The following SLC3A1 variants were observed in gnomAD, a reference collection of about 807,000 sequenced individuals.
SLC3A1 encodes amino acid transporter heavy chain SLC3A1.
A neutral mutation model predicts 60.3 loss-of-function variants in SLC3A1; 78 were observed. That is an observed-to-expected ratio of 1.29 (90% CI 1.08 to 1.56). SLC3A1 has a LOEUF of 1.56. Among genes scored for constraint, SLC3A1 ranks in the 40% most tolerant of loss-of-function variants. The probability of loss-of-function intolerance (pLI) is 0.00; values close to 1 mark genes in which losing one functional copy is unlikely to be tolerated. For synonymous variants in SLC3A1, 392 were observed against 307.9 expected (o/e 1.27, Z -2.86); for missense variants, 1,172 against 858.9 (o/e 1.36, Z -4.56).
chr2:44,278,328 T>G lies in SLC3A1; in HGVS notation c.430+2363T>G, dbSNP rs372123591. Among the ~76,000 whole-genome samples the G allele has an allele frequency of 2.4e-4, 37 of 152,074 alleles. No homozygotes were observed. In the East Asian group the frequency reaches 3.9e-3, roughly 16 times the overall value. On this transcript the variant is annotated intron_variant, in intron 1 of 9. Coordinates refer to ENST00000260649, the MANE Select transcript of SLC3A1 (RefSeq NM_000341.4). ...CTGGGCGTGGTGGCGGGTGCCTGTATTCCCAGCTATTTGGGTGGCTGAGGC... is the reference window on the plus strand; with the variant it reads ...CTGGGCGTGGTGGCGGGTGCCTGTAGTCCCAGCTATTTGGGTGGCTGAGGC...
At chr2:44,318,058 CA>C in intron 9 of SLC3A1, 1 of 426,710 alleles carries the variant, frequency 2.3e-6, no homozygotes, top group Admixed American at 2.7e-5. Context: ...GAAATATTTG[CA>C]CATGTGCACA....
At chr2:44,284,528 A>T (rs6716912) in intron 3 of SLC3A1, among the ~76,000 whole-genome samples, 1,988 of 152,240 alleles carry the variant, frequency 0.013, 19 homozygotes, top group Middle Eastern at 0.027. Context: ...ATTCTCATTA[A>T]TTCCTGATAT....
chr2:44,318,437 T>C (rs1142523), intron 9 of SLC3A1: 114,039 of 174,828 alleles, frequency 0.65, 37,924 homozygotes, highest in Middle Eastern at 0.69. Flanking sequence ...ATTTAAATAT[T>C]TTATCAACAG....
intron 4 of SLC3A1, 103 bp from the exon 5 acceptor site, chr2:44,299,868 T>C: frequency 8.9e-7 from 1 of 1,129,436 alleles, no homozygotes; most frequent in Non-Finnish European, 1.3e-6. Context: ...TGTATGTAGA[T>C]ATCTGTTTTA....
chr2:44,312,545 CTG>C (rs754147703), intron 7 of SLC3A1, 39 bp from the exon 8 acceptor site: 16 of 1,602,976 alleles, frequency 1.0e-5, no homozygotes, highest in African/African-American at 8.0e-5. Context: ...TTTCAGAAAA[CTG>C]TGTATACAGC....
chr2:44,282,152 G>A (rs1000155532), intron 3 of SLC3A1, among the ~76,000 whole-genome samples: 2 of 152,150 alleles, frequency 1.3e-5, no homozygotes, highest in Non-Finnish European at 2.9e-5. Context: ...GATTACAGGT[G>A]TAAGCCACCG....
intron 1 of SLC3A1, among the ~76,000 whole-genome samples, chr2:44,276,301 T>C (rs928518611): frequency 6.6e-6 from 1 of 152,204 alleles, no homozygotes; most frequent in African/African-American, 2.4e-5. Context: ...CTGGGGACTT[T>C]ATAGTTGAAT....
At chr2:44,303,975 T>G in intron 6 of SLC3A1, 168 bp from the exon 7 acceptor site, 1 of 695,304 alleles carries the variant, frequency 1.4e-6, no homozygotes, top group Non-Finnish European at 2.6e-6. Context: ...TAATCCAGTC[T>G]AACATTTGGT....
At chr2:44,289,271 C>T (rs967475716) in intron 4 of SLC3A1, among the ~76,000 whole-genome samples, 7 of 150,002 alleles carry the variant, frequency 4.7e-5, no homozygotes, top group African/African-American at 1.7e-4. Context: ...AGTGCAGTGG[C>T]GTGATCTCGG....
Position 44,321,302 on chromosome 2 carries a change from G to T in SLC3A1, c.*663G>T. 7.1e-7 allele frequency: 1 copy of T among 1,400,102 alleles called. No homozygotes were observed. Among genetic ancestry groups the T allele is most frequent in the Non-Finnish European group, 1.0e-6 (1 of 1,002,930 alleles). 86.7% of individuals were successfully genotyped at this position (1,400,102 alleles called of 1,614,324 possible). The stretch of plus-strand genomic sequence containing the variant: ...TTTTTTTTTGCTAACTCAATTGGAA[G>T]TAAGACTATGAAATATTTCAGTGTG... On this transcript the variant is annotated 3_prime_UTR_variant, in exon 10 of 10. Transcript: ENST00000260649.
At chr2:44,321,920 G>T, downstream of SLC3A1, 3 of 1,605,110 alleles carry the variant, frequency 1.9e-6, no homozygotes, top group South Asian at 3.3e-5. Context: ...TTAACATGTA[G>T]AACAATTAGA....
chr2:44,286,027 G>A lies in SLC3A1; in HGVS notation c.766-5G>A, dbSNP rs775846337. The A allele has an allele frequency of 1.9e-6, 3 of 1,614,096 alleles. No individual in the cohort carries two copies. The South Asian group carries it at 3.3e-5, about 18-fold the overall frequency. The stretch of plus-strand genomic sequence containing the variant: ...CACTGATGTGCTGTTTTCTTTGTTT[G>A]CCAGTTAAGTGTGTATGGAAACTCC... On this transcript the variant is annotated splice_polypyrimidine_tract_variant and splice_region_variant and intron_variant, in intron 3 of 9. Transcript: ENST00000260649.
At chr2:44,311,582 A>G (rs2104382392) in intron 7 of SLC3A1, among the ~76,000 whole-genome samples, 1 of 152,290 alleles carries the variant, frequency 6.6e-6, no homozygotes, top group East Asian at 1.9e-4. Flanking sequence ...GTTTCTTGTC[A>G]GAAGATCTCA....
At position 44,314,304 on chromosome 2, in the gene SLC3A1, G is replaced by A; in HGVS notation, c.1617+353G>A. 3 of 522,472 alleles carry A rather than the reference G, an allele frequency of 5.7e-6. No individual in the cohort carries two copies. The South Asian group carries it at 6.9e-5, about 12-fold the overall frequency. The allele number at this position is 522,472 out of a possible 1,614,324, so 32.4% of individuals were successfully genotyped here. ...TCAAAAGGCAGGGAGAGAGGCGAGT[G>A]GATAGGCAGCCATGCAGGCAGTAAG... On this transcript the variant is annotated intron_variant, in intron 9 of 9. Transcript: ENST00000260649.
In SLC3A1 at chr2:44,313,830, C is replaced by T. The variant is rs1672357292; in HGVS notation, c.1501-5C>T. 3 of 1,608,314 alleles carry T rather than the reference C, an allele frequency of 1.9e-6. No homozygotes were observed. The highest frequency in any genetic ancestry group is 2.6e-6 in the Non-Finnish European group (3 of 1,174,828). On this transcript the variant is annotated splice_polypyrimidine_tract_variant and splice_region_variant and intron_variant, in intron 8 of 9. Coordinates refer to ENST00000260649, the MANE Select transcript of SLC3A1 (RefSeq NM_000341.4). The stretch of plus-strand genomic sequence containing the variant: ...CTGTTTTCCCTTTCTGGTCTTTTGA[C>T]ATAGAATACCCTTCGCTCAAAGTCA...
chr2:44,284,781 G>T (rs1393837089), intron 3 of SLC3A1, among the ~76,000 whole-genome samples: 2 of 151,938 alleles, frequency 1.3e-5, no homozygotes, highest in Non-Finnish European at 2.9e-5. Context: ...GCCCAAGCTG[G>T]TCTTGAACTT....
In SLC3A1 at chr2:44,275,781, C is replaced by T. The variant is rs1671328543; in HGVS notation, c.246C>T (p.Tyr82=). Residue 82 remains tyrosine, a synonymous_variant, in exon 1 of 10, where the codon TAC becomes TAT. Coordinates refer to ENST00000260649, the MANE Select transcript of SLC3A1 (RefSeq NM_000341.4). ...TCCAGTTCTCTGGCCAGGCCCGCTA[C>T]CGCATACCTCGGGAGATCCTCTTCT... The part of the protein sequence containing the change: ...VLFQFSGQAR[Y]RIPREILFWL... The T allele has an allele frequency of 1.2e-6, 2 of 1,614,140 alleles. No individual in the cohort carries two copies. The highest frequency in any genetic ancestry group is 1.3e-5 in the African/African-American group (1 of 74,946).
intron 7 of SLC3A1, among the ~76,000 whole-genome samples, chr2:44,310,343 T>C (rs371291516): frequency 3.9e-5 from 6 of 152,246 alleles, no homozygotes; most frequent in Non-Finnish European, 8.8e-5. Context: ...TAAAAAATTA[T>C]ACTCATCATA....
At position 44,301,051 on chromosome 2, in the gene SLC3A1, C is replaced by T. The variant is rs991855750; in HGVS notation, c.1060C>T (p.Gln354Ter). Residue 354 changes from glutamine to a stop codon, truncating the protein, a stop_gained, in exon 6 of 10, where the codon CAG becomes TAG. Transcript: ENST00000260649. LOFTEE classifies it high-confidence loss of function. ...SELYHDFTTT[Q>*]VGMHDIVRSF... ...GCTGTACCATGACTTCACCACCACGCAGGTGGGAATGCACGACATTGTCCG... is the reference window on the plus strand; with the variant it reads ...GCTGTACCATGACTTCACCACCACGTAGGTGGGAATGCACGACATTGTCCG... 6.2e-7 allele frequency: 1 copy of T among 1,614,070 alleles called. No individual in the cohort carries two copies. The highest frequency in any genetic ancestry group is 8.5e-7 in the Non-Finnish European group (1 of 1,179,926).
Sources: gnomAD v4.1 joint callset for allele counts (sites outside exome capture counted in the v4.1 genomes callset) on GRCh38, gnomAD v4.1.1 for gene constraint, MANE v1.5 for transcripts, NCBI Gene and HGNC (gene_info 2026-07-23, HGNC 2026-07-21) for gene names.